Variants in CACNA2D1 observed in about 807,000 individuals in gnomAD.
The protein encoded by CACNA2D1 is voltage-dependent calcium channel subunit alpha-2/delta-1.
A neutral mutation model predicts 171.5 loss-of-function variants in CACNA2D1; 53 were observed. The observed-to-expected ratio is 0.31, with a 90% CI of 0.25 to 0.39. The LOEUF (loss-of-function observed/expected upper bound fraction) is 0.39. CACNA2D1 is among the 10% of genes least tolerant of loss of function. The pLI is 1.00. For missense variants in CACNA2D1, 903 were observed against 1,299.8 expected (o/e 0.69, Z 4.69); for synonymous variants, 442 against 443.1 (o/e 1.00, Z 0.03).
At chr7:81,955,377 T>C (rs972921942) in intron 38 of CACNA2D1, among the ~76,000 whole-genome samples, 2 of 152,144 alleles carry the variant, frequency 1.3e-5, no homozygotes, top group Admixed American at 6.6e-5. Context: ...AACTGCCAAC[T>C]AACATTTCAG....
intron 1 of CACNA2D1, among the ~76,000 whole-genome samples, chr7:82,426,185 A>AAATAAATT (rs1200365050): frequency 2.1e-5 from 3 of 142,098 alleles, no homozygotes; most frequent in Non-Finnish European, 3.1e-5. Context: ...ATAAATACAT[A>AAATAAATT]AATTCTATTT....
chr7:81,969,127 C>T (rs754789261), intron 28 of CACNA2D1, among the ~76,000 whole-genome samples, 154 bp from the exon 29 acceptor site: 3 of 151,452 alleles, frequency 2.0e-5, no homozygotes, highest in Non-Finnish European at 3.0e-5. Flanking sequence ...TCTCTTCTTC[C>T]GTTGTATACA....
At chr7:82,134,179 A>G (rs1156674131) in intron 5 of CACNA2D1, among the ~76,000 whole-genome samples, 2 of 152,208 alleles carry the variant, frequency 1.3e-5, no homozygotes, top group Non-Finnish European at 2.9e-5. Context: ...AAAGTCATGA[A>G]TGCCATCTTC....
At chr7:82,240,860 G>A (rs528561780) in intron 3 of CACNA2D1, among the ~76,000 whole-genome samples, 18 of 152,108 alleles carry the variant, frequency 1.2e-4, no homozygotes, top group East Asian at 1.9e-4. Flanking sequence ...CCAGCTACTC[G>A]TGAGGCTGAG....
chr7:82,086,438 G>C (rs1810493559), intron 6 of CACNA2D1, among the ~76,000 whole-genome samples: 1 of 152,036 alleles, frequency 6.6e-6, no homozygotes, highest in Non-Finnish European at 1.5e-5. Flanking sequence ...GAATATTCAT[G>C]AGCTGCATCA....
chr7:81,966,528 C>CACAAAAGAGG (rs1562790822), intron 31 of CACNA2D1, among the ~76,000 whole-genome samples: 1 of 151,078 alleles, frequency 6.6e-6, no homozygotes, highest in Admixed American at 6.7e-5. Flanking sequence ...TATACAGACA[C>CACAAAAGAGG]ACAAAAGAGG....
chr7:82,274,323 C>T (rs1423356018), intron 3 of CACNA2D1, among the ~76,000 whole-genome samples: 4 of 152,122 alleles, frequency 2.6e-5, no homozygotes, highest in Non-Finnish European at 4.4e-5. Context: ...TACTTTTATA[C>T]TATAAAAAGT....
At chr7:82,379,387 G>A (rs1293142561) in intron 1 of CACNA2D1, among the ~76,000 whole-genome samples, 1 of 151,992 alleles carries the variant, frequency 6.6e-6, no homozygotes, top group East Asian at 1.9e-4. Context: ...AATCATAGAA[G>A]CATCTAAATA....
intron 1 of CACNA2D1, among the ~76,000 whole-genome samples, chr7:82,398,038 G>A (rs963938323): frequency 1.3e-5 from 2 of 152,158 alleles, no homozygotes; most frequent in African/African-American, 4.8e-5. Context: ...TAAGAATGAG[G>A]CTTCATAGAC....
intron 3 of CACNA2D1, among the ~76,000 whole-genome samples, chr7:82,249,284 T>C (rs1805349374): frequency 6.6e-6 from 1 of 152,134 alleles, no homozygotes; most frequent in Non-Finnish European, 1.5e-5. Context: ...GGAATAAATG[T>C]TGGCTAGGCA....
chr7:82,224,940 C>T (rs1294309844), intron 3 of CACNA2D1, among the ~76,000 whole-genome samples: 6 of 152,104 alleles, frequency 3.9e-5, no homozygotes, highest in Non-Finnish European at 7.4e-5. Flanking sequence ...AAAAAAAATA[C>T]ATCAACTATT....
At chr7:82,201,431 G>C (rs1799423086) in intron 3 of CACNA2D1, among the ~76,000 whole-genome samples, 2 of 152,086 alleles carry the variant, frequency 1.3e-5, no homozygotes, top group Non-Finnish European at 2.9e-5. Context: ...CAATACATTA[G>C]GTGTCTGGAT....
At position 81,950,190 on chromosome 7, in the gene CACNA2D1, T is replaced by C. The variant is rs1459599544; in HGVS notation, c.*202A>G. On this transcript the variant is annotated 3_prime_UTR_variant, in exon 39 of 39. Transcript: ENST00000356860. ...GATGTTACACATAGATGATGCAGCA[T>C]TCACACACGTTTAAGGATCTGACAC... is the stretch of plus-strand genomic sequence containing the variant. 1.1e-5 allele frequency: 9 copies of C among 819,726 alleles called. No homozygotes were observed. The Admixed American group carries it at 2.1e-4, about 20-fold the overall frequency. The allele number at this position is 819,726 out of a possible 1,614,324, so 50.8% of individuals were successfully genotyped here. A position where few individuals can be genotyped will look rare whatever the true frequency, so the allele number is the denominator to read the frequency against.
chr7:82,348,433 A>ATC (rs1731766910), intron 2 of CACNA2D1, among the ~76,000 whole-genome samples: 1 of 152,046 alleles, frequency 6.6e-6, no homozygotes, highest in South Asian at 2.1e-4. Flanking sequence ...TTCTTTGTTT[A>ATC]TCCTTGGCAG....
chr7:82,263,929 T>A (rs1236290105), intron 3 of CACNA2D1, among the ~76,000 whole-genome samples: 2 of 152,018 alleles, frequency 1.3e-5, no homozygotes, highest in African/African-American at 4.8e-5. Flanking sequence ...AATAAACACA[T>A]AATATGGGTT....
At chr7:82,437,661 A>C (rs1830207460) in intron 1 of CACNA2D1, among the ~76,000 whole-genome samples, 1 of 152,156 alleles carries the variant, frequency 6.6e-6, no homozygotes, top group African/African-American at 2.4e-5. Flanking sequence ...TGTTGAGGCC[A>C]CAAAGTCAAT....
intron 3 of CACNA2D1, among the ~76,000 whole-genome samples, chr7:82,220,887 T>A (rs1268050407): frequency 2.0e-5 from 3 of 151,604 alleles, no homozygotes; most frequent in African/African-American, 7.3e-5. Context: ...AAAGCGATTC[T>A]CATGCCTCAG....
chr7:82,409,272 T>C (rs1052880197), intron 1 of CACNA2D1, among the ~76,000 whole-genome samples: 4 of 152,152 alleles, frequency 2.6e-5, no homozygotes, highest in Admixed American at 6.5e-5. Flanking sequence ...TTTTCAATTA[T>C]GTTAGTACAT....
intron 7 of CACNA2D1, among the ~76,000 whole-genome samples, chr7:82,076,645 C>T (rs534442205): frequency 1.4e-4 from 22 of 152,206 alleles, no homozygotes; most frequent in African/African-American, 4.8e-4. Context: ...GGTCAAGCTT[C>T]CCCAAGTCTT....
Sources: allele counts gnomAD v4.1 joint callset (sites outside exome capture counted in the v4.1 genomes callset), GRCh38; gene constraint gnomAD v4.1.1; transcripts MANE v1.5; gene names NCBI Gene and HGNC (gene_info 2026-07-23, HGNC 2026-07-21).